The following STK24 variants were observed in gnomAD, a reference collection of about 807,000 sequenced individuals.
STK24 encodes serine/threonine-protein kinase 24.
STK24 carries 21 observed loss-of-function variants against 55.6 expected under a neutral mutation model. The observed-to-expected ratio is 0.38, with a 90% confidence interval of 0.27 to 0.54. The LOEUF (loss-of-function observed/expected upper bound fraction) is 0.54, where lower values mean the gene tolerates loss of function less well. Ranked by LOEUF, STK24 falls within the 20% of genes least tolerant of loss-of-function variation. The pLI is 0.79. For missense variants in STK24, 383 were observed against 538.4 expected, an observed-to-expected ratio of 0.71 and a Z score of 2.86; for synonymous variants, 200 against 215.2, an observed-to-expected ratio of 0.93 and a Z score of 0.62.
intron 3 of STK24, among the ~76,000 whole-genome samples, chr13:98,478,750 G>A (rs1367450185): frequency 1.3e-5 from 2 of 152,176 alleles, no homozygotes; most frequent in Non-Finnish European, 2.9e-5. Flanking sequence ...ACTGGTTTAT[G>A]TAGCATTGTC....
chr13:98,457,411 G>T, intron 9 of STK24, 107 bp from the exon 10 acceptor site: 1 of 1,436,600 alleles, frequency 7.0e-7, no homozygotes, highest in Non-Finnish European at 9.4e-7. Flanking sequence ...CACTACCCCA[G>T]CCCCAGGGTG....
intron 5 of STK24, among the ~76,000 whole-genome samples, chr13:98,469,176 C>A (rs906483844): frequency 6.6e-6 from 1 of 152,210 alleles, no homozygotes; most frequent in African/African-American, 2.4e-5. Flanking sequence ...TGAGAAAACC[C>A]CTGCTGGCCC....
chr13:98,516,466 C>A (rs553153922), intron 2 of STK24, among the ~76,000 whole-genome samples: 1 of 152,226 alleles, frequency 6.6e-6, no homozygotes, highest in Non-Finnish European at 1.5e-5. Context: ...AAAAGGCCAG[C>A]CTACTGTGCA....
At chr13:98,576,163 G>A (rs1190966554) in intron 1 of STK24, 3 of 985,126 alleles carry the variant, frequency 3.0e-6, no homozygotes, top group African/African-American at 1.7e-5. Flanking sequence ...CAGGTGCACG[G>A]GGGCTCCGGG....
chr13:98,516,257 A>C (rs1896053944), intron 2 of STK24, among the ~76,000 whole-genome samples: 2 of 152,222 alleles, frequency 1.3e-5, no homozygotes. Context: ...TGGCTTTAAA[A>C]TCCGGGCCAA....
At chr13:98,456,374 C>T (rs1566341189) in intron 10 of STK24, 1 of 418,232 alleles carries the variant, frequency 2.4e-6, no homozygotes, top group Non-Finnish European at 4.9e-6. Context: ...AGGTGTCAGC[C>T]TGGACACCTG....
At position 98,447,905 on chromosome 13, in the gene STK24, C is replaced by A; in HGVS notation, c.*5268G>T. ...TTCCACTAAGCAGGATGGGACACGT[C>A]CCGCCATTCTCTGCCATGTCCATGA... On this transcript the variant is annotated 3_prime_UTR_variant, in exon 11 of 11. Transcript: ENST00000539966. 1 of 355,424 alleles carries A rather than the reference C, an allele frequency of 2.8e-6. No homozygotes were observed. The highest frequency in any genetic ancestry group is 5.2e-6 in the Non-Finnish European group (1 of 192,814). 22.0% of individuals were successfully genotyped at this position (355,424 alleles called of 1,614,324 possible). A position where few individuals can be genotyped will look rare whatever the true frequency, so the allele number is the denominator to read the frequency against.
chr13:98,484,130 T>C (rs1415309787), intron 2 of STK24, among the ~76,000 whole-genome samples: 1 of 152,186 alleles, frequency 6.6e-6, no homozygotes, highest in African/African-American at 2.4e-5. Flanking sequence ...GGTTCTGATT[T>C]CAGGGAAGCT....
At chr13:98,453,428 A>G in intron 10 of STK24, 2 of 554,206 alleles carry the variant, frequency 3.6e-6, no homozygotes, top group Non-Finnish European at 6.3e-6. Context: ...TGTCACCAAA[A>G]ACCAAGAATG....
At chr13:98,482,949 G>A (rs551676754) in intron 2 of STK24, among the ~76,000 whole-genome samples, 1 of 152,224 alleles carries the variant, frequency 6.6e-6, no homozygotes, top group East Asian at 1.9e-4. Context: ...GTCCTAACAT[G>A]CATGTCTGTG....
intron 5 of STK24, among the ~76,000 whole-genome samples, chr13:98,469,737 CTCT>C (rs1047167177): frequency 2.4e-4 from 37 of 152,220 alleles, no homozygotes; most frequent in African/African-American, 8.2e-4. Context: ...CTAAAGGGAT[CTCT>C]TCTCCCCAGG....
intron 5 of STK24, 104 bp from the exon 6 acceptor site, chr13:98,466,665 G>A: frequency 7.8e-7 from 1 of 1,284,088 alleles, no homozygotes; most frequent in Non-Finnish European, 1.1e-6. Flanking sequence ...CTGAGGTTTT[G>A]AAAAAGGTAT....
rs1260886587 is a variant in STK24 at position 98,450,748 on chromosome 13, A to AGGCAGGTTCC, written c.*2415_*2424dup. 6.6e-6 allele frequency: 1 copy of AGGCAGGTTCC among 152,272 alleles called. No individual in the cohort carries two copies. The highest frequency in any genetic ancestry group is 1.5e-5 in the Non-Finnish European group (1 of 68,066). The allele number at this position is 152,272 out of a possible 1,614,324, so 9.4% of individuals were successfully genotyped here. On this transcript the variant is annotated 3_prime_UTR_variant, in exon 11 of 11. Transcript: ENST00000539966. ...TACAGACCAGCAGCAGTTGACGCTG[A>AGGCAGGTTCC]GGCAGGTTCCAGTGGTAGCCCTGGT...
chr13:98,537,385 T>C lies in STK24; in HGVS notation c.43-17912A>G, dbSNP rs80224692. ...TCTGCTTTGAACAGCAGCGGGCTCA[T>C]TCACAACAGCACAGTGCCCGGCACA... On this transcript the variant is annotated intron_variant, in intron 1 of 10. Coordinates refer to ENST00000539966, the MANE Select transcript of STK24 (RefSeq NM_001032296.4). Among the ~76,000 whole-genome samples the C allele has an allele frequency of 8.4e-3, 1,285 of 152,316 alleles. 23 individuals carry two copies. Among genetic ancestry groups the C allele is most frequent in the African/African-American group, 0.028 (1,182 of 41,570 alleles).
chr13:98,462,436 T>C (rs1893745651), intron 7 of STK24, among the ~76,000 whole-genome samples: 1 of 152,026 alleles, frequency 6.6e-6, no homozygotes, highest in African/African-American at 2.4e-5. Flanking sequence ...GGTGTGCTGA[T>C]CACTCCCTGT....
chr13:98,493,758 G>A (rs1895131530), intron 2 of STK24, among the ~76,000 whole-genome samples: 1 of 151,796 alleles, frequency 6.6e-6, no homozygotes, highest in Non-Finnish European at 1.5e-5. Context: ...TCAAGACCCA[G>A]CCGAAAGAGA....
At chr13:98,470,969 T>C (rs1253300347) in intron 5 of STK24, among the ~76,000 whole-genome samples, 2 of 152,242 alleles carry the variant, frequency 1.3e-5, no homozygotes, top group South Asian at 4.1e-4. Context: ...CACTTGTAAC[T>C]GGCATCTAGA....
intron 1 of STK24, among the ~76,000 whole-genome samples, chr13:98,529,649 T>C (rs1448167094): frequency 6.6e-6 from 1 of 152,104 alleles, no homozygotes; most frequent in East Asian, 1.9e-4. Flanking sequence ...TGGTGGAGAA[T>C]AGATCCTTGG....
At chr13:98,466,305 C>A in intron 6 of STK24, 71 bp downstream of exon 6, 2 of 1,464,860 alleles carry the variant, frequency 1.4e-6, no homozygotes, top group South Asian at 1.4e-5. Context: ...TTAAAGCAAT[C>A]CCAACAGGAT....
Sources: gnomAD v4.1 joint callset for allele counts (sites outside exome capture counted in the v4.1 genomes callset) on GRCh38, gnomAD v4.1.1 for gene constraint, MANE v1.5 for transcripts, NCBI Gene and HGNC (gene_info 2026-07-23, HGNC 2026-07-21) for gene names.